The following KLHL32 variants were observed in gnomAD, a reference collection of about 807,000 sequenced individuals.
The protein encoded by KLHL32 is kelch like family member 32.
KLHL32 carries 35 observed loss-of-function variants against 64.8 expected under a neutral mutation model. The observed-to-expected ratio is 0.54, with a 90% CI of 0.41 to 0.72. The LOEUF is 0.72. Among genes scored for constraint, KLHL32 ranks in the 30% least tolerant of loss-of-function variants. KLHL32 has a pLI of 0.00. For synonymous variants in KLHL32, 259 were observed against 281.0 expected, an observed-to-expected ratio of 0.92 and a Z score of 0.78; for missense variants, 589 against 768.5, an observed-to-expected ratio of 0.77 and a Z score of 2.76.
chr6:97,034,289 G>A (rs1337840168), intron 3 of KLHL32, among the ~76,000 whole-genome samples: 1 of 152,058 alleles, frequency 6.6e-6, no homozygotes, highest in Non-Finnish European at 1.5e-5. Context: ...TTTCCCTATT[G>A]TGTGTTCTTG....
At chr6:97,028,325 C>T (rs1046556919) in intron 3 of KLHL32, among the ~76,000 whole-genome samples, 4 of 152,166 alleles carry the variant, frequency 2.6e-5, no homozygotes, top group Non-Finnish European at 5.9e-5. Flanking sequence ...TTCCAAAATT[C>T]TATTTGCAGA....
Position 97,139,398 on chromosome 6 carries a change from T to A in KLHL32, c.*116T>A. 1 of 916,242 alleles carries A rather than the reference T, an allele frequency of 1.1e-6. No homozygotes were observed. The highest frequency in any genetic ancestry group is 1.6e-6 in the Non-Finnish European group (1 of 612,926). The allele number at this position is 916,242 out of a possible 1,614,324, so 56.8% of individuals were successfully genotyped here. On this transcript the variant is annotated 3_prime_UTR_variant, in exon 11 of 11. Transcript: ENST00000369261. ...TTGCTTTATAGGTCTTATATTCGGA[T>A]AAATTTAAGCAAAAAATGAACAATT...
At chr6:97,018,333 T>C (rs1192371877) in intron 3 of KLHL32, among the ~76,000 whole-genome samples, 3 of 151,922 alleles carry the variant, frequency 2.0e-5, no homozygotes, top group Non-Finnish European at 4.4e-5. Flanking sequence ...AAAATATCAA[T>C]TTGGCCAGGC....
intron 6 of KLHL32, among the ~76,000 whole-genome samples, chr6:97,090,052 G>T (rs1242410589): frequency 6.6e-6 from 1 of 152,150 alleles, no homozygotes; most frequent in Non-Finnish European, 1.5e-5. Context: ...CTGATTTGGG[G>T]CTGGGGCAAT....
chr6:97,124,535 T>A (rs1393099369), intron 7 of KLHL32, among the ~76,000 whole-genome samples: 6 of 152,196 alleles, frequency 3.9e-5, no homozygotes, highest in African/African-American at 1.4e-4. Flanking sequence ...ATTGGTTGTA[T>A]GTTTAATCTA....
chr6:97,067,305 C>T (rs1458900026), intron 5 of KLHL32, among the ~76,000 whole-genome samples: 1 of 152,138 alleles, frequency 6.6e-6, no homozygotes, highest in Non-Finnish European at 1.5e-5. Context: ...AAAAGGAACC[C>T]CACATGGCAG....
the KLHL32 span, among the ~76,000 whole-genome samples, chr6:96,913,721 G>C: frequency 6.6e-6 from 1 of 152,204 alleles, no homozygotes; most frequent in Non-Finnish European, 1.5e-5. Context: ...ATGATTCTGA[G>C]AGTGGCCTGG....
At chr6:96,902,245 ATC>A in the KLHL32 span, among the ~76,000 whole-genome samples, 1 of 151,932 alleles carries the variant, frequency 6.6e-6, no homozygotes, top group Non-Finnish European at 1.5e-5. Context: ...TCTTGCCAGC[ATC>A]TGTTTTTGTT....
At chr6:96,991,981 G>C (rs559394794) in intron 3 of KLHL32, among the ~76,000 whole-genome samples, 3 of 152,318 alleles carry the variant, frequency 2.0e-5, no homozygotes, top group Non-Finnish European at 4.4e-5. Context: ...GCAAGAGCGA[G>C]GGCTTCCGAG....
intron 6 of KLHL32, among the ~76,000 whole-genome samples, chr6:97,098,291 T>C (rs1052395476): frequency 2.0e-5 from 3 of 152,174 alleles, no homozygotes; most frequent in African/African-American, 7.2e-5. Context: ...GTCTCCAAGC[T>C]ATGCATAGTG....
chr6:97,114,428 A>C lies in KLHL32; in HGVS notation c.1273A>C (p.Lys425Gln). 2 of 1,614,244 alleles carry C rather than the reference A, an allele frequency of 1.2e-6. No homozygotes were observed. The highest frequency in any genetic ancestry group is 1.7e-6 in the Non-Finnish European group (2 of 1,180,038). The change falls in exon 7 of 11, where the codon AAA becomes CAA. Residue 425 changes from lysine (K) to glutamine (Q), a missense_variant. Around this residue, in one of 3 missense-constraint regions of KLHL32, gnomAD observed 226 missense variants for 353.2 expected, o/e 0.64. Coordinates refer to ENST00000369261, the MANE Select transcript of KLHL32 (RefSeq NM_052904.4). ...TGAGCGATATTGCCCCAAGAAGAACAAATGGACTTTTGTTCAGTCCTTTGA... is the reference window on the plus strand; with the variant it reads ...TGAGCGATATTGCCCCAAGAAGAACCAATGGACTTTTGTTCAGTCCTTTGA... ...TVERYCPKKNKWTFVQSFDRS... is the reference protein window; with the variant it reads ...TVERYCPKKNQWTFVQSFDRS...
At chr6:96,940,405 T>C (rs1169823800) in intron 1 of KLHL32, among the ~76,000 whole-genome samples, 1 of 152,160 alleles carries the variant, frequency 6.6e-6, no homozygotes, top group Admixed American at 6.5e-5. Context: ...CAGGAGAGAC[T>C]GGAATCCTAG....
At chr6:97,126,239 A>G (rs1798863696) in intron 7 of KLHL32, among the ~76,000 whole-genome samples, 1 of 152,144 alleles carries the variant, frequency 6.6e-6, no homozygotes, top group Non-Finnish European at 1.5e-5. Flanking sequence ...AACTACATGT[A>G]AGGCAATATT....
At chr6:96,974,050 A>G (rs1045619945) in intron 2 of KLHL32, among the ~76,000 whole-genome samples, 1 of 151,796 alleles carries the variant, frequency 6.6e-6, no homozygotes, top group Non-Finnish European at 1.5e-5. Context: ...TTTAAGCAGG[A>G]GGAGGAATTA....
Position 97,035,428 on chromosome 6 carries a change from A to T in KLHL32, c.205-6064A>T, listed in dbSNP as rs934496215. ...CTGTATATTTAATTTTGCCAGTGAG[A>T]TTTATGTTTTCTTATGCTTTCACGT... On this transcript the variant is annotated intron_variant, in intron 3 of 10. Transcript: ENST00000369261. 2.0e-5 allele frequency among the ~76,000 whole-genome samples: 3 copies of T among 151,814 alleles called. No homozygotes were observed. The South Asian group carries it at 6.2e-4, about 32-fold the overall frequency.
At chr6:97,005,124 G>T (rs892685387) in intron 3 of KLHL32, among the ~76,000 whole-genome samples, 1 of 151,940 alleles carries the variant, frequency 6.6e-6, no homozygotes, top group Non-Finnish European at 1.5e-5. Flanking sequence ...GCTTTTTCTG[G>T]TTGGTAGGCT....
At chr6:97,055,818 A>AAAAAC (rs1787764871) in intron 4 of KLHL32, among the ~76,000 whole-genome samples, 1 of 144,142 alleles carries the variant, frequency 6.9e-6, no homozygotes, top group South Asian at 2.2e-4. Flanking sequence ...AAAAAAAAAA[A>AAAAAC]AAAACCCCTT....
rs990050477 is a variant in KLHL32 at position 97,078,382 on chromosome 6, T to A, written c.412-6744T>A. Among the ~76,000 whole-genome samples the A allele has an allele frequency of 5.3e-5, 8 of 152,324 alleles. No individual in the cohort carries two copies. The South Asian group carries it at 1.7e-3, about 32-fold the overall frequency. On this transcript the variant is annotated intron_variant, in intron 5 of 10. Coordinates refer to ENST00000369261, the MANE Select transcript of KLHL32 (RefSeq NM_052904.4). Reference sequence around the variant, plus strand: ...CGACATGGGGTAATTTAGGTGACATTTCGAAGGAGAGTTGTCTAAGTGAAG... The same window carrying A: ...CGACATGGGGTAATTTAGGTGACATATCGAAGGAGAGTTGTCTAAGTGAAG...
At chr6:96,919,776 G>T (rs112813652), upstream of KLHL32, among the ~76,000 whole-genome samples, 314 of 152,206 alleles carry the variant, frequency 2.1e-3, 2 homozygotes, top group African/African-American at 7.4e-3. Context: ...AAATAAAAGA[G>T]CCACATCATC....
Sources: allele counts gnomAD v4.1 joint callset (sites outside exome capture counted in the v4.1 genomes callset), GRCh38; gene constraint gnomAD v4.1.1; regional missense constraint gnomAD v4.1.1; transcripts MANE v1.5; gene names NCBI Gene and HGNC (gene_info 2026-07-23, HGNC 2026-07-21).